Variants in SPNS2 observed in about 807,000 individuals in gnomAD.
SPNS2 encodes the protein SPNS lysolipid transporter 2, sphingosine-1-phosphate, also known as sphingosine-1-phosphate transporter SPNS2.
A neutral mutation model predicts 57.6 loss-of-function variants in SPNS2; 37 were observed. The ratio of observed to expected loss-of-function variants is 0.64; its 90% CI spans 0.49 to 0.85. The LOEUF is 0.85. SPNS2 is among the 40% of genes least tolerant of loss of function. The pLI is 0.00. For missense variants in SPNS2, 831 were observed against 779.1 expected (o/e 1.07, Z -0.79); for synonymous variants, 440 against 346.9 (o/e 1.27, Z -2.98).
chr17:4,531,014 C>G (rs1905444057), intron 4 of SPNS2, 39 bp from the exon 5 acceptor site: 1 of 1,610,380 alleles, frequency 6.2e-7, no homozygotes, highest in South Asian at 1.1e-5. Flanking sequence ...TCCCCAGCCC[C>G]TGTCTCTGCT....
intron 1 of SPNS2, among the ~76,000 whole-genome samples, chr17:4,502,845 C>T (rs374617488): frequency 7.2e-5 from 11 of 152,142 alleles, no homozygotes; most frequent in African/African-American, 2.4e-4. Flanking sequence ...CCTTTCAGGA[C>T]ACCTTTGCAA....
chr17:4,509,343 G>C (rs182579954), intron 1 of SPNS2, among the ~76,000 whole-genome samples: 23 of 152,374 alleles, frequency 1.5e-4, no homozygotes, highest in Non-Finnish European at 3.4e-4. Context: ...GGGAGGCTGA[G>C]GCAGGAGGAT....
intron 3 of SPNS2, among the ~76,000 whole-genome samples, chr17:4,528,179 C>T (rs1905315700): frequency 6.6e-6 from 1 of 151,796 alleles, no homozygotes; most frequent in East Asian, 1.9e-4. Context: ...CGCGCCACCA[C>T]ACCCAGCTAA....
In SPNS2 at chr17:4,499,135, G is replaced by A. The variant is rs894703562; in HGVS notation, c.88G>A (p.Ala30Thr). ...GGAGCGGCGGCGCCGGCGCCGGGGG[G>A]CGCAGCGAGGGGCTGGCGGTAGCGG... The part of the protein sequence containing the change: ...DAERRRRRRG[A>T]QRGAGGSGCC... The change falls in exon 1 of 13, where the codon GCG (alanine) becomes ACG (threonine). Residue 30 changes from alanine (A) to threonine (T), a missense_variant. Physicochemically the swap from Ala to Thr is moderately conservative, Grantham distance 58. This residue lies in a region of SPNS2 where 305 missense variants were observed against 378.3 expected (regional missense o/e 0.81). Coordinates refer to ENST00000329078, the MANE Select transcript of SPNS2 (RefSeq NM_001124758.3). This position sits in a 1 kb window ranked among gnomAD's most constrained non-coding sequence, Gnocchi z 5.2. 3.8e-5 allele frequency: 44 copies of A among 1,160,148 alleles called. No homozygotes were observed. Among genetic ancestry groups the A allele is most frequent in the African/African-American group, 4.9e-5 (3 of 61,416 alleles). 71.9% of individuals were successfully genotyped at this position (1,160,148 alleles called of 1,614,324 possible). A position where few individuals can be genotyped will look rare whatever the true frequency, so the allele number is the denominator to read the frequency against.
intron 3 of SPNS2, among the ~76,000 whole-genome samples, chr17:4,529,685 AAAAAG>A (rs1014701470): frequency 2.4e-4 from 37 of 152,060 alleles, no homozygotes; most frequent in African/African-American, 8.7e-4. Flanking sequence ...AAGAAGAAAA[AAAAAG>A]AAATCAATGC....
rs548194886 is a variant in SPNS2 at position 4,519,674 on chromosome 17, G to A, written c.437-5383G>A. Reference sequence around the variant, plus strand: ...CGCCCCTACCAAAACCAGGGGTGGGGCTGCCAGTCTGCCCAGAAAGCTCTC... The same window carrying A: ...CGCCCCTACCAAAACCAGGGGTGGGACTGCCAGTCTGCCCAGAAAGCTCTC... On this transcript the variant is annotated intron_variant, in intron 2 of 12. Coordinates refer to ENST00000329078, the MANE Select transcript of SPNS2 (RefSeq NM_001124758.3). Among the ~76,000 whole-genome samples the A allele has an allele frequency of 4.6e-5, 7 of 152,332 alleles. No homozygotes were observed. In the South Asian group the frequency reaches 1.2e-3, roughly 27 times the overall value.
intron 2 of SPNS2, among the ~76,000 whole-genome samples, chr17:4,522,757 G>A (rs375218284): frequency 8.3e-4 from 126 of 152,330 alleles, no homozygotes; most frequent in African/African-American, 3.0e-3. Context: ...TCCAGGGGGA[G>A]GGATGGGGGG....
chr17:4,522,515 G>T (rs1905164523), intron 2 of SPNS2, among the ~76,000 whole-genome samples: 1 of 152,194 alleles, frequency 6.6e-6, no homozygotes, highest in African/African-American at 2.4e-5. Flanking sequence ...CTCCAGCCAG[G>T]TTCAGGGGAG....
At chr17:4,524,975 TG>T (rs1479543569) in intron 2 of SPNS2, 81 bp from the exon 3 acceptor site, 1 of 1,564,382 alleles carries the variant, frequency 6.4e-7, no homozygotes, top group Non-Finnish European at 8.7e-7. Context: ...CACAGACTCT[TG>T]GCCCCAAGCC....
rs1168674202 is a variant in SPNS2, at chr17:4,537,512, G to A, written c.*64G>A. 19 of 456,746 alleles carry A rather than the reference G, an allele frequency of 4.2e-5. No homozygotes were observed. Among genetic ancestry groups the A allele is most frequent in the East Asian group, 1.4e-4 (2 of 14,414 alleles). 28.3% of individuals were successfully genotyped at this position (456,746 alleles called of 1,614,324 possible). ...CCTCGTCTGGGAGGTGTCCTACAGC[G>A]TCCGGGACCGGCTGGGCTGCCCCAA... is the stretch of plus-strand genomic sequence containing the variant. On this transcript the variant is annotated 3_prime_UTR_variant, in exon 13 of 13. Transcript: ENST00000329078.
Position 4,512,838 on chromosome 17 carries a change from G to A in SPNS2, c.371-409G>A, listed in dbSNP as rs1430216215. 6.6e-6 allele frequency among the ~76,000 whole-genome samples: 1 copy of A among 151,958 alleles called. No homozygotes were observed. The highest frequency in any genetic ancestry group is 2.4e-5 in the African/African-American group (1 of 41,434). Reference sequence around the variant, plus strand: ...CCCCTCCCAGGCCAGAGGGCTCCCCGCAGCTTTCAGGGCCCCCGCTGCTCT... The same window carrying A: ...CCCCTCCCAGGCCAGAGGGCTCCCCACAGCTTTCAGGGCCCCCGCTGCTCT... On this transcript the variant is annotated intron_variant, in intron 1 of 12. Transcript: ENST00000329078. This position sits in a 1 kb window ranked among gnomAD's most constrained non-coding sequence, Gnocchi z 5.2.
At chr17:4,533,649 A>G in intron 8 of SPNS2, 139 bp from the exon 9 acceptor site, 2 of 1,077,208 alleles carry the variant, frequency 1.9e-6, no homozygotes, top group Non-Finnish European at 2.7e-6. Context: ...GTCTCTGGAT[A>G]GCCCATGAAT....
At chr17:4,518,490 T>G (rs1326517138) in intron 2 of SPNS2, among the ~76,000 whole-genome samples, 1 of 152,182 alleles carries the variant, frequency 6.6e-6, no homozygotes, top group East Asian at 1.9e-4. Flanking sequence ...GCCACTGCAC[T>G]CCAGCCTGGG....
intron 2 of SPNS2, among the ~76,000 whole-genome samples, chr17:4,514,328 C>T (rs1904931217): frequency 6.6e-6 from 1 of 152,186 alleles, no homozygotes; most frequent in Non-Finnish European, 1.5e-5. Flanking sequence ...GCATTCCAGT[C>T]CAGTCGGTGA....
intron 3 of SPNS2, among the ~76,000 whole-genome samples, chr17:4,528,810 G>A (rs1323275205): frequency 1.3e-5 from 2 of 152,026 alleles, no homozygotes; most frequent in African/African-American, 4.8e-5. Flanking sequence ...GTCTCGCTCT[G>A]TCACCTAGGC....
rs75154008 is a variant in SPNS2, at chr17:4,534,417, G to A, written c.1344+564G>A. 824 of 170,646 alleles carry A rather than the reference G, an allele frequency of 4.8e-3. 9 individuals carry two copies. The highest frequency in any genetic ancestry group is 0.018 in the African/African-American group (776 of 42,312). 10.6% of individuals were successfully genotyped at this position (170,646 alleles called of 1,614,324 possible). On this transcript the variant is annotated intron_variant, in intron 9 of 12. Coordinates refer to ENST00000329078, the MANE Select transcript of SPNS2 (RefSeq NM_001124758.3). ...GCTAGGAGTTCATGGCCCTCTGGGC[G>A]TGGCAGGGGTGAGTGTGACACTTGG...
At chr17:4,531,484 T>C (rs1431982200) in intron 5 of SPNS2, among the ~76,000 whole-genome samples, 1 of 152,118 alleles carries the variant, frequency 6.6e-6, no homozygotes, top group East Asian at 1.9e-4. Context: ...AGGGTAAGGC[T>C]GGGACAAGAC....
chr17:4,531,351 A>G (rs1007748557), intron 5 of SPNS2, among the ~76,000 whole-genome samples: 1 of 152,170 alleles, frequency 6.6e-6, no homozygotes, highest in African/African-American at 2.4e-5. Flanking sequence ...CGGGGCCCCC[A>G]GGCTGAGGGT....
Sources: allele counts gnomAD v4.1 joint callset (sites outside exome capture counted in the v4.1 genomes callset), GRCh38; gene constraint gnomAD v4.1.1; regional missense constraint gnomAD v4.1.1; non-coding constraint Gnocchi (gnomAD v3.1); transcripts MANE v1.5; gene names NCBI Gene and HGNC (gene_info 2026-07-23, HGNC 2026-07-21).